FOXRED1: variants seen among roughly 807,000 people sequenced by gnomAD.
The protein encoded by FOXRED1 is FAD dependent oxidoreductase domain containing 1.
In FOXRED1, 52 loss-of-function variants were observed where a neutral mutation model predicts 57.8. The observed-to-expected ratio is 0.90, with a 90% CI of 0.72 to 1.13. The LOEUF (loss-of-function observed/expected upper bound fraction) is 1.13. FOXRED1 is among the 50% of genes most tolerant of loss of function. The probability of loss-of-function intolerance (pLI) is 0.00; values close to 1 mark genes in which losing one functional copy is unlikely to be tolerated. For synonymous variants in FOXRED1, 271 were observed against 248.3 expected, an observed-to-expected ratio of 1.09 and a Z score of -0.86; for missense variants, 589 against 625.2, an observed-to-expected ratio of 0.94 and a Z score of 0.62.
In FOXRED1 at chr11:126,273,365, C is replaced by G. The variant is rs376227631; in HGVS notation, c.447C>G (p.Pro149=). ...NEYLAVVDAP[P]LDLRFNPSGY... The stretch of plus-strand genomic sequence containing the variant: ...ACCTGGCCGTAGTCGATGCTCCTCC[C>G]CTGGACCTCCGGTTCAACCCCTCGG... The change falls in exon 4 of 11, where the codon CCC becomes CCG. Residue 149 remains proline (P), a synonymous_variant. Transcript: ENST00000263578. The surrounding 1 kb of genome is among the most constrained non-coding windows in gnomAD (Gnocchi z 5.9). 5 of 1,613,788 alleles carry G rather than the reference C, an allele frequency of 3.1e-6. No individual in the cohort carries two copies. The African/African-American group carries it at 6.7e-5, about 22-fold the overall frequency.
Position 126,274,700 on chromosome 11 carries a change from C to T in FOXRED1, c.537-227C>T, listed in dbSNP as rs1401023091. On this transcript the variant is annotated intron_variant, in intron 4 of 10. Coordinates refer to ENST00000263578, the MANE Select transcript of FOXRED1 (RefSeq NM_017547.4). The surrounding 1 kb of genome is among the most constrained non-coding windows in gnomAD (Gnocchi z 4.8). ...CTGGGATAGCAGGGAGCTCTGTGTG[C>T]TGAAGGGAGACAAGGGAGTAGGGAA... 1.7e-6 allele frequency: 1 copy of T among 574,826 alleles called. No individual in the cohort carries two copies. The highest frequency in any genetic ancestry group is 3.2e-6 in the Non-Finnish European group (1 of 317,156). 35.6% of individuals were successfully genotyped at this position (574,826 alleles called of 1,614,324 possible).
In FOXRED1 at chr11:126,273,268, A is replaced by G. The variant is rs1233756078; in HGVS notation, c.418-68A>G. 2.4e-6 allele frequency: 3 copies of G among 1,246,846 alleles called. No homozygotes were observed. Among genetic ancestry groups the G allele is most frequent in the Non-Finnish European group, 3.5e-6 (3 of 845,126 alleles). The allele number at this position is 1,246,846 out of a possible 1,614,324, so 77.2% of individuals were successfully genotyped here. A position where few individuals can be genotyped will look rare whatever the true frequency, so the allele number is the denominator to read the frequency against. On this transcript the variant is annotated intron_variant, in intron 3 of 10. Transcript: ENST00000263578. This position sits in a 1 kb window ranked among gnomAD's most constrained non-coding sequence, Gnocchi z 5.9. ...ACTGAGCCTGGGGAGCTGTGGGGGA[A>G]GAAGGCAGGAAAACTCTTTCTGGCA...
In FOXRED1 at chr11:126,273,206, G is replaced by A. The variant is rs943708416; in HGVS notation, c.417+127G>A. 3.4e-5 allele frequency: 32 copies of A among 950,994 alleles called. No individual in the cohort carries two copies. The highest frequency in any genetic ancestry group is 2.1e-4 in the Middle Eastern group (1 of 4,822). The allele number at this position is 950,994 out of a possible 1,614,324, so 58.9% of individuals were successfully genotyped here. A position where few individuals can be genotyped will look rare whatever the true frequency, so the allele number is the denominator to read the frequency against. On this transcript the variant is annotated intron_variant, in intron 3 of 10. Coordinates refer to ENST00000263578, the MANE Select transcript of FOXRED1 (RefSeq NM_017547.4). This position sits in a 1 kb window ranked among gnomAD's most constrained non-coding sequence, Gnocchi z 5.9. The stretch of plus-strand genomic sequence containing the variant: ...CAGCCAACTAGGAGAGGGGGGCCCT[G>A]GCCTTCTTCCTAGTGGTGGTGCCGC...
In FOXRED1 at chr11:126,277,107, C is replaced by G. The variant is rs751634994; in HGVS notation, c.1138C>G (p.His380Asp). The change falls in exon 10 of 11, where the codon CAT becomes GAT. Residue 380 changes from histidine (H) to aspartate (D), a missense_variant. Physicochemically the swap from His to Asp is moderately conservative, Grantham distance 81 (BLOSUM62 -1). Coordinates refer to ENST00000263578, the MANE Select transcript of FOXRED1 (RefSeq NM_017547.4). This position sits in a 1 kb window ranked among gnomAD's most constrained non-coding sequence, Gnocchi z 6.8. Reference protein sequence around the residue: ...EPDPANLEVDHDFFQDKVWPH... With the variant: ...EPDPANLEVDDDFFQDKVWPH... Reference sequence around the variant, plus strand: ...GGACCCGGCGAACCTGGAAGTGGACCATGATTTCTTCCAGGACAAGGTGTG... The same window carrying G: ...GGACCCGGCGAACCTGGAAGTGGACGATGATTTCTTCCAGGACAAGGTGTG... The G allele has an allele frequency of 2.9e-5, 46 of 1,613,434 alleles. No homozygotes were observed. Among genetic ancestry groups the G allele is most frequent in the East Asian group, 1.1e-4 (5 of 44,898 alleles).
chr11:126,271,602 A>G lies in FOXRED1; in HGVS notation c.251A>G (p.Lys84Arg). ...TTGTCTGTGGCCTATTGGCTGAAGA[A>G]GCTGGAGAGCAGACGAGGTGCTATT... The part of the protein sequence containing the change: ...LGLSVAYWLK[K>R]LESRRGAIRV... Residue 84 changes from lysine to arginine, a missense_variant, in exon 2 of 11, where the codon AAG (lysine) becomes AGG (arginine). Lys to Arg is a conservative substitution (Grantham distance 26, BLOSUM62 2). Transcript: ENST00000263578. This position sits in a 1 kb window ranked among gnomAD's most constrained non-coding sequence, Gnocchi z 5.3. The G allele has an allele frequency of 6.2e-7, 1 of 1,614,200 alleles. No individual in the cohort carries two copies. The highest frequency in any genetic ancestry group is 8.5e-7 in the Non-Finnish European group (1 of 1,180,040).
In FOXRED1 at chr11:126,275,041, G is replaced by C; in HGVS notation, c.631+20G>C. 1 of 1,537,002 alleles carries C rather than the reference G, an allele frequency of 6.5e-7. No individual in the cohort carries two copies. Among genetic ancestry groups the C allele is most frequent in the South Asian group, 1.1e-5 (1 of 89,630 alleles). ...CTTATGGTGAGGCTTGCTTGCAGAG[G>C]GGACAGCTTTTTTCCTGAAGATGGA... On this transcript the variant is annotated intron_variant, in intron 5 of 10. Coordinates refer to ENST00000263578, the MANE Select transcript of FOXRED1 (RefSeq NM_017547.4). This position sits in a 1 kb window ranked among gnomAD's most constrained non-coding sequence, Gnocchi z 5.9.
rs777259232 is a variant in FOXRED1 at position 126,276,415 on chromosome 11, C to A, written c.993C>A (p.Cys331Ter). ...GCAGGTATGTGTATGTGTGGCACTG[C>A]CCCCAGGGACCAGGCCTAGAGACTC... ...PRKRYVYVWH[C>*]PQGPGLETPL... Residue 331 changes from cysteine (C) to a stop codon, truncating the protein, a stop_gained, in exon 9 of 11, where the codon TGC (cysteine) becomes TGA (stop). Transcript: ENST00000263578. LOFTEE classifies it high-confidence loss of function. The A allele has an allele frequency of 5.0e-6, 7 of 1,388,136 alleles. No homozygotes were observed. The highest frequency in any genetic ancestry group is 5.8e-6 in the Non-Finnish European group (6 of 1,042,046). 86.0% of individuals were successfully genotyped at this position (1,388,136 alleles called of 1,614,324 possible).
At chr11:126,269,397 G>A in intron 1 of FOXRED1, 106 bp downstream of exon 1, 2 of 1,595,738 alleles carry the variant, frequency 1.3e-6, no homozygotes, top group Non-Finnish European at 1.7e-6. Context: ...CAGGACAGTG[G>A]GTCGGCTTGG....
rs544236849 is a variant in FOXRED1 at position 126,276,473 on chromosome 11, C to A, written c.1051C>A (p.Arg351Ser). The part of the protein sequence containing the change: ...LVADTSGAYF[R>S]REGLGSNYLG... ...TGCAGACACCAGTGGAGCCTATTTT[C>A]GCCGGGAAGGATTAGGTAGCAACTA... The change falls in exon 9 of 11, where the codon CGC becomes AGC. Residue 351 changes from arginine to serine, a missense_variant. Transcript: ENST00000263578. The A allele has an allele frequency of 1.2e-6, 2 of 1,608,894 alleles. No individual in the cohort carries two copies. The highest frequency in any genetic ancestry group is 2.7e-5 in the African/African-American group (2 of 74,362).
intron 1 of FOXRED1, 182 bp downstream of exon 1, chr11:126,269,473 C>T: frequency 8.6e-7 from 1 of 1,157,600 alleles, no homozygotes; most frequent in Non-Finnish European, 1.3e-6. Flanking sequence ...CCCAAGGCGG[C>T]CCTTTTCAGG....
rs1420967069 is a variant in FOXRED1 at position 126,274,991 on chromosome 11, AAC to A, written c.605_606del (p.Thr202ArgfsTer17). On this transcript the variant is annotated frameshift_variant, in exon 5 of 11. Transcript: ENST00000263578. LOFTEE classifies it high-confidence loss of function. This position sits in a 1 kb window ranked among gnomAD's most constrained non-coding sequence, Gnocchi z 4.8. ...DQLRNKFPWI[N>X]TEGVALASYG... ...GCTTCGGAACAAGTTTCCCTGGATA[AAC>A]ACAGAGGGAGTGGCTTTGGCGTCTT... 1 of 1,613,512 alleles carries A rather than the reference AAC, an allele frequency of 6.2e-7. No homozygotes were observed. Among genetic ancestry groups the A allele is most frequent in the Non-Finnish European group, 8.5e-7 (1 of 1,179,598 alleles).
In FOXRED1 at chr11:126,274,646, A is replaced by T. The variant is rs1007768004; in HGVS notation, c.537-281A>T. ...CTGGGTGACAGAGCCAGACTCATTGAAAAAAAAAAAAAGAAGTCATGGAAT... is the reference window on the plus strand; with the variant it reads ...CTGGGTGACAGAGCCAGACTCATTGTAAAAAAAAAAAAGAAGTCATGGAAT... On this transcript the variant is annotated intron_variant, in intron 4 of 10. Transcript: ENST00000263578. This position sits in a 1 kb window ranked among gnomAD's most constrained non-coding sequence, Gnocchi z 4.8. 7 of 165,178 alleles carry T rather than the reference A, an allele frequency of 4.2e-5. No homozygotes were observed. Among genetic ancestry groups the T allele is most frequent in the Non-Finnish European group, 8.8e-5 (7 of 79,718 alleles). 10.2% of individuals were successfully genotyped at this position (165,178 alleles called of 1,614,324 possible).
chr11:126,273,496 G>A lies in FOXRED1; in HGVS notation c.536+42G>A. The A allele has an allele frequency of 1.5e-6, 2 of 1,318,536 alleles. No individual in the cohort carries two copies. Among genetic ancestry groups the A allele is most frequent in the East Asian group, 2.3e-5 (1 of 43,570 alleles). The allele number at this position is 1,318,536 out of a possible 1,614,324, so 81.7% of individuals were successfully genotyped here. A position where few individuals can be genotyped will look rare whatever the true frequency, so the allele number is the denominator to read the frequency against. ...GCCTCTTAGCTGCTTGGCAGCCAAAGGTGTTGGGTGACTCCTGCACCAGGT... is the reference window on the plus strand; with the variant it reads ...GCCTCTTAGCTGCTTGGCAGCCAAAAGTGTTGGGTGACTCCTGCACCAGGT... On this transcript the variant is annotated intron_variant, in intron 4 of 10. Transcript: ENST00000263578. This position sits in a 1 kb window ranked among gnomAD's most constrained non-coding sequence, Gnocchi z 5.9.
Position 126,277,642 on chromosome 11 carries a change from A to T in FOXRED1, c.1414A>T (p.Thr472Ser). 2 of 1,613,550 alleles carry T rather than the reference A, an allele frequency of 1.2e-6. No individual in the cohort carries two copies. The highest frequency in any genetic ancestry group is 1.7e-6 in the Non-Finnish European group (2 of 1,179,942). The change falls in exon 11 of 11, where the codon ACC becomes TCC. Residue 472 changes from threonine to serine, a missense_variant. Physicochemically the swap from Thr to Ser is moderately conservative, Grantham distance 58. Transcript: ENST00000263578. This position sits in a 1 kb window ranked among gnomAD's most constrained non-coding sequence, Gnocchi z 6.8. Reference protein sequence around the residue: ...QTIDLSPFLFTRFYLGEKIQE... With the variant: ...QTIDLSPFLFSRFYLGEKIQE... Reference sequence around the variant, plus strand: ...CATCGACCTGAGCCCCTTCCTCTTTACCCGCTTTTACTTGGGAGAGAAGAT... The same window carrying T: ...CATCGACCTGAGCCCCTTCCTCTTTTCCCGCTTTTACTTGGGAGAGAAGAT...
chr11:126,270,380 T>G (rs891438542), intron 1 of FOXRED1, among the ~76,000 whole-genome samples: 1 of 152,250 alleles, frequency 6.6e-6, no homozygotes, highest in South Asian at 2.1e-4. Flanking sequence ...GGTGTTGCGA[T>G]AGGCTGGAGA....
chr11:126,275,067 G>T lies in FOXRED1; in HGVS notation c.631+46G>T, dbSNP rs1234177465. The T allele has an allele frequency of 7.9e-7, 1 of 1,271,644 alleles. No homozygotes were observed. The highest frequency in any genetic ancestry group is 1.2e-6 in the Non-Finnish European group (1 of 867,770). 78.8% of individuals were successfully genotyped at this position (1,271,644 alleles called of 1,614,324 possible). ...GGACAGCTTTTTTCCTGAAGATGGA[G>T]ACTAAGGGGTGCTACACGTTGGGAG... On this transcript the variant is annotated intron_variant, in intron 5 of 10. Coordinates refer to ENST00000263578, the MANE Select transcript of FOXRED1 (RefSeq NM_017547.4). The surrounding 1 kb of genome is among the most constrained non-coding windows in gnomAD (Gnocchi z 5.9).
Position 126,271,404 on chromosome 11 carries a change from G to A in FOXRED1, c.86-33G>A. The A allele has an allele frequency of 6.6e-7, 1 of 1,513,402 alleles. No individual in the cohort carries two copies. Among genetic ancestry groups the A allele is most frequent in the Non-Finnish European group, 9.2e-7 (1 of 1,088,394 alleles). 93.7% of individuals were successfully genotyped at this position (1,513,402 alleles called of 1,614,324 possible). ...CCCCCCAACCATGTGGGAAGGAAAT[G>A]TTTGGCCCTCTGACCCTAACTACAT... On this transcript the variant is annotated intron_variant, in intron 1 of 10. Transcript: ENST00000263578. The surrounding 1 kb of genome is among the most constrained non-coding windows in gnomAD (Gnocchi z 5.3).
In FOXRED1 at chr11:126,273,255, G is replaced by A. The variant is rs1951040816; in HGVS notation, c.418-81G>A. On this transcript the variant is annotated intron_variant, in intron 3 of 10. Transcript: ENST00000263578. The surrounding 1 kb of genome is among the most constrained non-coding windows in gnomAD (Gnocchi z 5.9). ...GCAGGTCTGGGGCACTGAGCCTGGGGAGCTGTGGGGGAAGAAGGCAGGAAA... is the reference window on the plus strand; with the variant it reads ...GCAGGTCTGGGGCACTGAGCCTGGGAAGCTGTGGGGGAAGAAGGCAGGAAA... 1 of 1,141,910 alleles carries A rather than the reference G, an allele frequency of 8.8e-7. No homozygotes were observed. Among genetic ancestry groups the A allele is most frequent in the East Asian group, 2.3e-5 (1 of 42,704 alleles). 70.7% of individuals were successfully genotyped at this position (1,141,910 alleles called of 1,614,324 possible). A position where few individuals can be genotyped will look rare whatever the true frequency, so the allele number is the denominator to read the frequency against.
Position 126,269,296 on chromosome 11 carries a change from A to G in FOXRED1, c.85+5A>G, listed in dbSNP as rs536188622. ...GCAGAGGAGGCTTTTCTCTGGGTAA[A>G]GTTGAGGACGACAGAGGGTATTGTG... is the stretch of plus-strand genomic sequence containing the variant. On this transcript the variant is annotated splice_donor_5th_base_variant and intron_variant, in intron 1 of 10. Coordinates refer to ENST00000263578, the MANE Select transcript of FOXRED1 (RefSeq NM_017547.4). 13 of 1,614,144 alleles carry G rather than the reference A, an allele frequency of 8.1e-6. No individual in the cohort carries two copies. The South Asian group carries it at 1.3e-4, about 16-fold the overall frequency.
Sources: allele counts gnomAD v4.1 joint callset (sites outside exome capture counted in the v4.1 genomes callset), GRCh38; gene constraint gnomAD v4.1.1; non-coding constraint Gnocchi (gnomAD v3.1); transcripts MANE v1.5; gene names NCBI Gene and HGNC (gene_info 2026-07-23, HGNC 2026-07-21).